The following CD46 variants were observed in gnomAD, a reference collection of about 807,000 sequenced individuals.
The protein encoded by CD46 is membrane cofactor protein.
Under a neutral mutation model 53.3 loss-of-function variants are expected in CD46, and 30 were observed. That is an observed-to-expected ratio of 0.56 (90% CI 0.42 to 0.76). CD46 has a LOEUF of 0.76. Among genes scored for constraint, CD46 ranks in the 30% least tolerant of loss-of-function variants. The probability of loss-of-function intolerance (pLI) is 0.00; values close to 1 mark genes in which losing one functional copy is unlikely to be tolerated. For missense variants in CD46, 409 were observed against 463.0 expected (o/e 0.88, Z 1.07); for synonymous variants, 142 against 152.0 (o/e 0.93, Z 0.48).
At chr1:207,764,655 C>CAT (rs1341586543) in intron 5 of CD46, among the ~76,000 whole-genome samples, 55 of 152,300 alleles carry the variant, frequency 3.6e-4, no homozygotes, top group Admixed American at 3.6e-3. Flanking sequence ...ATCCTACAGA[C>CAT]ATTTAAAGGA....
intron 9 of CD46, 96 bp from the exon 10 acceptor site, chr1:207,784,975 C>G: frequency 9.4e-7 from 1 of 1,068,466 alleles, no homozygotes; most frequent in East Asian, 2.5e-5. Context: ...GGTGGGGACA[C>G]AGCCAAACCA....
chr1:207,773,272 A>G (rs984210773), intron 8 of CD46, among the ~76,000 whole-genome samples: 1 of 152,010 alleles, frequency 6.6e-6, no homozygotes, highest in African/African-American at 2.4e-5. Context: ...TATTGCGTCT[A>G]TTTGATTATT....
At chr1:207,767,241 C>A in intron 6 of CD46, 46 bp downstream of exon 6, 1 of 1,509,424 alleles carries the variant, frequency 6.6e-7, no homozygotes, top group Non-Finnish European at 9.2e-7. Flanking sequence ...ATTGTTGTTG[C>A]TGTTCATTTT....
At chr1:207,793,053 C>CT (rs1249478593) in intron 12 of CD46, among the ~76,000 whole-genome samples, 40 of 152,222 alleles carry the variant, frequency 2.6e-4, no homozygotes, top group African/African-American at 9.6e-4. Flanking sequence ...GTGACGTAAA[C>CT]TTTAGTTATT....
At position 207,752,669 on chromosome 1, in the gene CD46, T is replaced by A. The variant is rs1558039128; in HGVS notation, c.97+360T>A. Among the ~76,000 whole-genome samples, 7 of 152,066 alleles carry A rather than the reference T, an allele frequency of 4.6e-5. No homozygotes were observed. The South Asian group carries it at 1.4e-3, about 31-fold the overall frequency. On this transcript the variant is annotated intron_variant, in intron 1 of 12. Transcript: ENST00000367042. The surrounding 1 kb of genome is among the most constrained non-coding windows in gnomAD (Gnocchi z 4.1). Reference sequence around the variant, plus strand: ...GTGCACAGGTGCGTGGGAGTGTTGCTAGGGCCCGTGCTGTGTCCGTGGTGA... The same window carrying A: ...GTGCACAGGTGCGTGGGAGTGTTGCAAGGGCCCGTGCTGTGTCCGTGGTGA...
chr1:207,760,364 A>T (rs1656042161), intron 4 of CD46: 1 of 152,362 alleles, frequency 6.6e-6, no homozygotes, highest in Admixed American at 6.5e-5. Flanking sequence ...ATCACACAAT[A>T]TGTAGCCTTT....
rs1660051142 is a variant in CD46 at position 207,794,158 on chromosome 1, A to T, written c.*681A>T. 1 of 154,796 alleles carries T rather than the reference A, an allele frequency of 6.5e-6. No homozygotes were observed. The highest frequency in any genetic ancestry group is 2.4e-5 in the African/African-American group (1 of 41,464). The allele number at this position is 154,796 out of a possible 1,614,324, so 9.6% of individuals were successfully genotyped here. A position where few individuals can be genotyped will look rare whatever the true frequency, so the allele number is the denominator to read the frequency against. On this transcript the variant is annotated 3_prime_UTR_variant, in exon 13 of 13. Transcript: ENST00000367042. ...ATTGGAAAATTCTCTAAAAGTTAATAGGGTAAATTCTCTATTTTTTGTAAT... is the reference window on the plus strand; with the variant it reads ...ATTGGAAAATTCTCTAAAAGTTAATTGGGTAAATTCTCTATTTTTTGTAAT...
chr1:207,783,208 C>T, intron 8 of CD46, 84 bp from the exon 9 acceptor site: 1 of 730,840 alleles, frequency 1.4e-6, no homozygotes, highest in East Asian at 2.8e-5. Flanking sequence ...AAAAATCACC[C>T]TATGAGTTTA....
Position 207,752,091 on chromosome 1 carries a change from A to T in CD46, c.-122A>T, listed in dbSNP as rs572225325. 4 of 965,346 alleles carry T rather than the reference A, an allele frequency of 4.1e-6. No individual in the cohort carries two copies. The African/African-American group carries it at 4.8e-5, about 12-fold the overall frequency. The allele number at this position is 965,346 out of a possible 1,614,324, so 59.8% of individuals were successfully genotyped here. On this transcript the variant is annotated 5_prime_UTR_variant, in exon 1 of 13. An upstream start codon of the reference 5' UTR is lost. Coordinates refer to ENST00000367042, the MANE Select transcript of CD46 (RefSeq NM_172351.3). The surrounding 1 kb of genome is among the most constrained non-coding windows in gnomAD (Gnocchi z 4.1). ...ACGCCCACCTGTCCTGCAGCACTGG[A>T]TGCTTTGTGAGTTGGGGATTGTTGC...
chr1:207,759,797 A>G, intron 4 of CD46, 73 bp downstream of exon 4: 1 of 783,070 alleles, frequency 1.3e-6, no homozygotes, highest in African/African-American at 1.7e-5. Context: ...CACCCTTTAC[A>G]CTTTAAGATT....
chr1:207,786,957 G>A (rs555607577), intron 11 of CD46, among the ~76,000 whole-genome samples: 9 of 152,232 alleles, frequency 5.9e-5, no homozygotes, highest in African/African-American at 1.2e-4. Flanking sequence ...AAACAAAGTC[G>A]CATTCTGCTT....
chr1:207,757,724 A>G (rs1317576805), intron 3 of CD46, 82 bp downstream of exon 3: 16 of 932,474 alleles, frequency 1.7e-5, no homozygotes, highest in Non-Finnish European at 2.7e-5. Context: ...ATTCCTGTAA[A>G]CTTAATTTTG....
In CD46 at chr1:207,767,662, T is replaced by C. The variant is rs1030158091; in HGVS notation, c.857-117T>C. ...CTTTGAGTCATTCAGGTTTAGTAGC[T>C]TCTTCCTTATATGTCTTCTTCCTTA... is the stretch of plus-strand genomic sequence containing the variant. On this transcript the variant is annotated intron_variant, in intron 6 of 12. Transcript: ENST00000367042. 6.1e-5 allele frequency: 98 copies of C among 1,610,794 alleles called. No homozygotes were observed. The highest frequency in any genetic ancestry group is 7.5e-5 in the Non-Finnish European group (88 of 1,177,132).
chr1:207,775,045 T>A (rs1657940474), intron 8 of CD46, among the ~76,000 whole-genome samples: 2 of 152,250 alleles, frequency 1.3e-5, no homozygotes, highest in Non-Finnish European at 2.9e-5. Flanking sequence ...TTTGGTGTTT[T>A]CACATAGTCC....
intron 8 of CD46, among the ~76,000 whole-genome samples, chr1:207,773,154 C>T (rs2724370): frequency 0.61 from 93,000 of 151,972 alleles, 28,820 homozygotes; most frequent in East Asian, 0.91. Context: ...GGAATTTATC[C>T]ATTGCTTCTA....
At position 207,754,734 on chromosome 1, in the gene CD46, A is replaced by G. The variant is rs185605151; in HGVS notation, c.98-2280A>G. 5.8e-4 allele frequency among the ~76,000 whole-genome samples: 88 copies of G among 152,146 alleles called. 1 individual carries two copies. The Middle Eastern group carries it at 0.014, about 24-fold the overall frequency. ...GAGCCAGAAAGGATCTGTCTCCCCT[A>G]TTTGTTGACTCTGCAGGGCTTCCAG... On this transcript the variant is annotated intron_variant, in intron 1 of 12. Transcript: ENST00000367042.
chr1:207,763,983 C>T (rs1443883623), intron 5 of CD46, among the ~76,000 whole-genome samples: 2 of 139,796 alleles, frequency 1.4e-5, no homozygotes, highest in African/African-American at 2.7e-5. Context: ...GTCATTGGAA[C>T]ATTTGTGCCA....
At chr1:207,780,151 C>T (rs1658593641) in intron 8 of CD46, among the ~76,000 whole-genome samples, 1 of 151,886 alleles carries the variant, frequency 6.6e-6, no homozygotes, top group Non-Finnish European at 1.5e-5. Flanking sequence ...AATCTCTACT[C>T]ATTAAACAGT....
intron 5 of CD46, among the ~76,000 whole-genome samples, chr1:207,765,992 T>C (rs1376207270): frequency 6.6e-6 from 1 of 152,214 alleles, no homozygotes; most frequent in Non-Finnish European, 1.5e-5. Context: ...AACTGATTCA[T>C]GCAGCAACAC....
Sources: allele counts gnomAD v4.1 joint callset (sites outside exome capture counted in the v4.1 genomes callset), GRCh38; gene constraint gnomAD v4.1.1; non-coding constraint Gnocchi (gnomAD v3.1); transcripts MANE v1.5; gene names NCBI Gene and HGNC (gene_info 2026-07-23, HGNC 2026-07-21).